The following SMAD4 variants were observed in gnomAD, a reference collection of about 807,000 sequenced individuals.
The protein encoded by SMAD4 is MAD homolog 4.
Under a neutral mutation model 63.2 loss-of-function variants are expected in SMAD4, and 7 were observed. The ratio of observed to expected loss-of-function variants is 0.11; its 90% CI spans 0.06 to 0.21. SMAD4 has a LOEUF of 0.21. SMAD4 is among the 10% of genes least tolerant of loss of function. SMAD4 has a pLI of 1.00. For synonymous variants in SMAD4, 215 were observed against 235.4 expected, an observed-to-expected ratio of 0.91 and a Z score of 0.79; for missense variants, 312 against 693.8, an observed-to-expected ratio of 0.45 and a Z score of 6.18.
At chr18:51,054,688 T>C (rs1909791786) in intron 4 of SMAD4, 93 bp from the exon 5 acceptor site, 1 of 798,876 alleles carries the variant, frequency 1.3e-6, no homozygotes, top group Non-Finnish European at 2.1e-6. Flanking sequence ...CTGTAATTGA[T>C]TTTAGGTGTT....
chr18:51,073,560 T>A (rs1349992365), intron 10 of SMAD4, among the ~76,000 whole-genome samples: 1 of 151,724 alleles, frequency 6.6e-6, no homozygotes, highest in African/African-American at 2.4e-5. Flanking sequence ...AGACGGAGTC[T>A]TGCTCTGTTG....
At chr18:51,034,438 C>T (rs934973737) in intron 1 of SMAD4, among the ~76,000 whole-genome samples, 6 of 152,056 alleles carry the variant, frequency 3.9e-5, no homozygotes, top group East Asian at 1.9e-4. Flanking sequence ...TAGTAGAGGA[C>T]GGGGTTTCAC....
intron 4 of SMAD4, among the ~76,000 whole-genome samples, chr18:51,050,621 T>C (rs1029522309): frequency 6.7e-6 from 1 of 148,872 alleles, no homozygotes; most frequent in African/African-American, 2.5e-5. Context: ...ATAGTGGCAC[T>C]GCACTCCAGC....
intron 1 of SMAD4, among the ~76,000 whole-genome samples, chr18:51,033,723 A>G (rs566943925): frequency 8.0e-4 from 122 of 152,296 alleles, no homozygotes; most frequent in African/African-American, 2.8e-3. Flanking sequence ...TAAAATGTGT[A>G]ATTTTGGTAA....
chr18:51,062,281 A>T (rs905391372), intron 8 of SMAD4, among the ~76,000 whole-genome samples: 1 of 152,154 alleles, frequency 6.6e-6, no homozygotes, highest in Non-Finnish European at 1.5e-5. Context: ...ATATACAGAA[A>T]AGTATGTAAC....
chr18:51,035,355 ATTAC>A lies in SMAD4; in HGVS notation c.-128+4735_-128+4738del, dbSNP rs150722079. On this transcript the variant is annotated intron_variant, in intron 1 of 11. Coordinates refer to ENST00000342988, the MANE Select transcript of SMAD4 (RefSeq NM_005359.6). ...TTACTTGTACTCCTTTTGGAGACTAATTACTTTAAGTCCCCAAGTTAGCATCTGA... is the reference window on the plus strand; with the variant it reads ...TTACTTGTACTCCTTTTGGAGACTAATTTAAGTCCCCAAGTTAGCATCTGA... 5.6e-3 allele frequency among the ~76,000 whole-genome samples: 845 copies of A among 152,176 alleles called. 10 individuals are homozygous for A. The highest frequency in any genetic ancestry group is 0.019 in the African/African-American group (796 of 41,492).
intron 8 of SMAD4, 88 bp from the exon 9 acceptor site, chr18:51,065,335 C>T: frequency 9.0e-7 from 1 of 1,114,838 alleles, no homozygotes; most frequent in Non-Finnish European, 1.4e-6. Context: ...TTTACCCTTT[C>T]TTTTAGGAAA....
intron 8 of SMAD4, among the ~76,000 whole-genome samples, chr18:51,063,561 C>G (rs1910073937): frequency 6.6e-6 from 1 of 152,084 alleles, no homozygotes; most frequent in African/African-American, 2.4e-5. Context: ...TACAGGTGGA[C>G]ACAACCACGC....
At chr18:51,038,485 G>T (rs1019228733) in intron 1 of SMAD4, among the ~76,000 whole-genome samples, 1 of 152,154 alleles carries the variant, frequency 6.6e-6, no homozygotes, top group Non-Finnish European at 1.5e-5. Context: ...TTGAGTTTTG[G>T]TGTTGAATAA....
intron 1 of SMAD4, among the ~76,000 whole-genome samples, chr18:51,039,184 A>G (rs1320009712): frequency 6.6e-6 from 1 of 152,220 alleles, no homozygotes; most frequent in Non-Finnish European, 1.5e-5. Flanking sequence ...ATTTCTATGC[A>G]TTATCGACTA....
Position 51,083,341 on chromosome 18 carries a change from A to T in SMAD4, c.*4874A>T, listed in dbSNP as rs372089678. On this transcript the variant is annotated 3_prime_UTR_variant, in exon 12 of 12. Coordinates refer to ENST00000342988, the MANE Select transcript of SMAD4 (RefSeq NM_005359.6). ...ATATTTTTGACCTATAGGTGCCTTT[A>T]TGAGAATTGAGGGTCTGACATCCTG... The T allele has an allele frequency of 5.3e-5, 12 of 228,070 alleles. No individual in the cohort carries two copies. The South Asian group carries it at 2.0e-3, about 38-fold the overall frequency. The allele number at this position is 228,070 out of a possible 1,614,324, so 14.1% of individuals were successfully genotyped here. A position where few individuals can be genotyped will look rare whatever the true frequency, so the allele number is the denominator to read the frequency against.
intron 11 of SMAD4, among the ~76,000 whole-genome samples, chr18:51,077,812 G>A (rs1405135821): frequency 2.0e-5 from 3 of 151,994 alleles, no homozygotes; most frequent in Non-Finnish European, 4.4e-5. Flanking sequence ...ACTTCATCTC[G>A]GTCATCTAAG....
At chr18:51,051,443 G>T in intron 4 of SMAD4, 1 of 452,758 alleles carries the variant, frequency 2.2e-6, no homozygotes, top group Non-Finnish European at 4.4e-6. Context: ...AAATGGGACA[G>T]TTCCTTCATT....
chr18:51,042,239 T>C (rs1258400523), intron 1 of SMAD4, among the ~76,000 whole-genome samples: 1 of 152,130 alleles, frequency 6.6e-6, no homozygotes, highest in Non-Finnish European at 1.5e-5. Flanking sequence ...ATATATTCAC[T>C]TTGCCAGGAG....
At chr18:51,059,993 A>T in intron 8 of SMAD4, 77 bp downstream of exon 8, 1 of 1,071,518 alleles carries the variant, frequency 9.3e-7, no homozygotes. Flanking sequence ...ACAGGCTTTA[A>T]TGGAATTATG....
At chr18:51,059,051 TAAGAA>T (rs890592816) in intron 7 of SMAD4, among the ~76,000 whole-genome samples, 2 of 152,114 alleles carry the variant, frequency 1.3e-5, no homozygotes, top group African/African-American at 4.8e-5. Context: ...AAAGTATAAA[TAAGAA>T]AAGCAAAATT....
intron 4 of SMAD4, chr18:51,053,316 A>C (rs1171438453): frequency 1.3e-5 from 2 of 152,176 alleles, no homozygotes; most frequent in Non-Finnish European, 2.9e-5. Context: ...ATTTATATGA[A>C]GAAAATCATT....
At chr18:51,069,212 G>T (rs1220770177) in intron 10 of SMAD4, among the ~76,000 whole-genome samples, 2 of 152,174 alleles carry the variant, frequency 1.3e-5, no homozygotes, top group Admixed American at 1.3e-4. Context: ...TGCTTCCAGG[G>T]TTTAAGTGAT....
intron 1 of SMAD4, among the ~76,000 whole-genome samples, chr18:51,044,602 A>G (rs1188510966): frequency 6.6e-6 from 1 of 152,140 alleles, no homozygotes; most frequent in African/African-American, 2.4e-5. Flanking sequence ...CGTGTTGCCC[A>G]GGCTGGTCTC....
Sources: gnomAD v4.1 joint callset for allele counts (sites outside exome capture counted in the v4.1 genomes callset) on GRCh38, gnomAD v4.1.1 for gene constraint, MANE v1.5 for transcripts, NCBI Gene and HGNC (gene_info 2026-07-23, HGNC 2026-07-21) for gene names.